The following STK3 variants were observed in gnomAD, a reference collection of about 807,000 sequenced individuals.
The protein encoded by STK3 is serine/threonine kinase 3.
STK3 carries 41 observed loss-of-function variants against 58.0 expected under a neutral mutation model. The ratio of observed to expected loss-of-function variants is 0.71; its 90% CI spans 0.55 to 0.92. The LOEUF (loss-of-function observed/expected upper bound fraction) is 0.92. Ranked by LOEUF, STK3 falls within the 40% of genes least tolerant of loss-of-function variation. The pLI, the probability that STK3 is intolerant of heterozygous loss-of-function variation, is 0.00. For synonymous variants in STK3, 170 were observed against 191.0 expected (o/e 0.89, Z 0.91); for missense variants, 479 against 602.7 (o/e 0.79, Z 2.15).
At chr8:98,789,456 G>A (rs893266810) in intron 1 of STK3, among the ~76,000 whole-genome samples, 11 of 151,826 alleles carry the variant, frequency 7.2e-5, no homozygotes, top group Admixed American at 3.3e-4. Flanking sequence ...AAAGATAAAT[G>A]AAACAAAAAG....
intron 4 of STK3, among the ~76,000 whole-genome samples, chr8:98,707,676 A>G (rs1416537687): frequency 6.6e-6 from 1 of 152,078 alleles, no homozygotes; most frequent in African/African-American, 2.4e-5. Context: ...AAGTGTTGGG[A>G]TTATAGGTGT....
At chr8:98,365,844 T>C in the STK3 span, among the ~76,000 whole-genome samples, 1 of 152,248 alleles carries the variant, frequency 6.6e-6, no homozygotes, top group Non-Finnish European at 1.5e-5. Context: ...GATCTAGCTA[T>C]ATTGATATAT....
chr8:98,456,729 C>G (rs2064401031), intron 10 of STK3, among the ~76,000 whole-genome samples: 1 of 152,200 alleles, frequency 6.6e-6, no homozygotes, highest in South Asian at 2.1e-4. Flanking sequence ...CTGCACCCAG[C>G]TCAGGCTTGG....
chr8:98,414,249 G>C (rs1818089677), intron 3 of STK3, among the ~76,000 whole-genome samples: 1 of 152,164 alleles, frequency 6.6e-6, no homozygotes, highest in African/African-American at 2.4e-5. Context: ...GGGCGACAGA[G>C]CAAGACTCTG....
At chr8:98,735,275 T>G (rs1376552127) in intron 4 of STK3, among the ~76,000 whole-genome samples, 1 of 152,108 alleles carries the variant, frequency 6.6e-6, no homozygotes, top group Non-Finnish European at 1.5e-5. Flanking sequence ...TATTTCAAGA[T>G]TAATATATTA....
intron 1 of STK3, among the ~76,000 whole-genome samples, chr8:98,818,540 G>GATAAA (rs749806025): frequency 5.1e-5 from 6 of 118,694 alleles, no homozygotes; most frequent in African/African-American, 1.7e-4. Context: ...AATTATAAAT[G>GATAAA]TGTGTGTGTG....
chr8:98,715,457 A>G (rs1826920106), intron 4 of STK3, among the ~76,000 whole-genome samples: 1 of 152,304 alleles, frequency 6.6e-6, no homozygotes, highest in Admixed American at 6.5e-5. Flanking sequence ...CAACCCCATC[A>G]AAAAGTGGGC....
intron 1 of STK3, among the ~76,000 whole-genome samples, chr8:98,808,959 T>G (rs1443509593): frequency 6.6e-6 from 1 of 152,118 alleles, no homozygotes; most frequent in Non-Finnish European, 1.5e-5. Flanking sequence ...TAATCACCAA[T>G]GACCAATAAT....
intron 1 of STK3, chr8:98,905,587 G>T: frequency 9.4e-7 from 1 of 1,060,492 alleles, no homozygotes; most frequent in Non-Finnish European, 1.5e-6. Flanking sequence ...TCACATTCCA[G>T]CACCTTCCCT....
intron 1 of STK3, among the ~76,000 whole-genome samples, chr8:98,787,155 G>A (rs566894728): frequency 6.4e-4 from 65 of 101,314 alleles, no homozygotes; most frequent in Non-Finnish European, 8.3e-4. Flanking sequence ...GCAACAGAGC[G>A]AGACTCCACC....
chr8:98,519,659 G>A (rs889387354), intron 10 of STK3, among the ~76,000 whole-genome samples: 1 of 152,056 alleles, frequency 6.6e-6, no homozygotes, highest in African/African-American at 2.4e-5. Flanking sequence ...GTAGGACTGC[G>A]GAAAAACTAG....
chr8:98,385,741 C>A (rs1351537969), intron 1 of STK3, among the ~76,000 whole-genome samples: 1 of 152,242 alleles, frequency 6.6e-6, no homozygotes, highest in South Asian at 2.1e-4. Flanking sequence ...GTGTGCCCCC[C>A]ACACCCTGAA....
chr8:98,888,251 G>A (rs1055129002), intron 1 of STK3, among the ~76,000 whole-genome samples: 5 of 152,118 alleles, frequency 3.3e-5, no homozygotes, highest in Admixed American at 6.5e-5. Flanking sequence ...CCTGGGAGGC[G>A]GAGGATGCAG....
At chr8:98,715,446 A>C (rs1246771477) in intron 4 of STK3, among the ~76,000 whole-genome samples, 17 of 152,082 alleles carry the variant, frequency 1.1e-4, no homozygotes, top group Non-Finnish European at 2.5e-4. Context: ...GAAAAAAAAA[A>C]CAACCCCATC....
At chr8:98,688,059 A>T (rs1276662028) in intron 6 of STK3, among the ~76,000 whole-genome samples, 1 of 152,194 alleles carries the variant, frequency 6.6e-6, no homozygotes, top group Non-Finnish European at 1.5e-5. Context: ...CAACACCCAT[A>T]GACTCATAGT....
intron 4 of STK3, among the ~76,000 whole-genome samples, chr8:98,711,780 A>G (rs1826474125): frequency 1.3e-5 from 2 of 152,200 alleles, no homozygotes; most frequent in African/African-American, 4.8e-5. Flanking sequence ...GGAAATACAG[A>G]GAACGCCACA....
At chr8:98,584,547 C>T (rs1186360168) in intron 7 of STK3, among the ~76,000 whole-genome samples, 6 of 151,412 alleles carry the variant, frequency 4.0e-5, no homozygotes, top group African/African-American at 7.3e-5. Context: ...TGAATAATGC[C>T]GCAATAAACA....
chr8:98,737,975 G>A (rs1476674230), intron 4 of STK3, among the ~76,000 whole-genome samples: 7 of 152,142 alleles, frequency 4.6e-5, no homozygotes, highest in African/African-American at 1.7e-4. Flanking sequence ...CTCCAGAAGT[G>A]CCAGGATTAC....
At chr8:98,897,807 G>T (rs1021139540) in intron 1 of STK3, among the ~76,000 whole-genome samples, 1 of 152,060 alleles carries the variant, frequency 6.6e-6, no homozygotes, top group Non-Finnish European at 1.5e-5. Flanking sequence ...CTCTTAGCAG[G>T]TATTAAATAA....
Sources: allele counts gnomAD v4.1 joint callset (sites outside exome capture counted in the v4.1 genomes callset), GRCh38; gene constraint gnomAD v4.1.1; transcripts MANE v1.5; gene names NCBI Gene and HGNC (gene_info 2026-07-23, HGNC 2026-07-21).